Variants in MRTFB observed in about 807,000 individuals in gnomAD.
MRTFB encodes myocardin related transcription factor B.
Under a neutral mutation model 104.2 loss-of-function variants are expected in MRTFB, and 29 were observed. That is an observed-to-expected ratio of 0.28 (90% CI 0.21 to 0.38). MRTFB has a LOEUF of 0.38. Ranked by LOEUF, MRTFB falls within the 10% of genes least tolerant of loss-of-function variation. The pLI is 1.00. For synonymous variants in MRTFB, 535 were observed against 519.5 expected (o/e 1.03, Z -0.41); for missense variants, 1,270 against 1,341.6 (o/e 0.95, Z 0.83).
the MRTFB span, among the ~76,000 whole-genome samples, chr16:14,056,970 T>G: frequency 6.6e-6 from 1 of 152,206 alleles, no homozygotes; most frequent in Non-Finnish European, 1.5e-5. Context: ...TGTAAAAATA[T>G]GCTCCCTTCT....
chr16:14,211,701 G>C (rs1407887996), intron 4 of MRTFB, among the ~76,000 whole-genome samples: 1 of 152,202 alleles, frequency 6.6e-6, no homozygotes, highest in Non-Finnish European at 1.5e-5. Flanking sequence ...ATATTAAGGA[G>C]TCACTGTGTC....
chr16:14,266,366 C>T lies in MRTFB; in HGVS notation c.*4922C>T, dbSNP rs899934350. The T allele has an allele frequency of 1.3e-5, 2 of 152,008 alleles. No homozygotes were observed. Among genetic ancestry groups the T allele is most frequent in the Non-Finnish European group, 2.9e-5 (2 of 67,994 alleles). The allele number at this position is 152,008 out of a possible 1,614,324, so 9.4% of individuals were successfully genotyped here. On this transcript the variant is annotated 3_prime_UTR_variant, in exon 17 of 17. Transcript: ENST00000571589. ...GAAATGCAATGTGATAGGTGTTTCT[C>T]TTCTTATTTTCATTGTCACATTATG...
chr16:14,098,034 T>C (rs1377666960), intron 2 of MRTFB, among the ~76,000 whole-genome samples: 1 of 152,238 alleles, frequency 6.6e-6, no homozygotes, highest in Admixed American at 6.5e-5. Flanking sequence ...TTTCCAGTTT[T>C]GGGCTATTAC....
At chr16:14,012,291 C>CTTT in the MRTFB span, among the ~76,000 whole-genome samples, 5 of 97,766 alleles carry the variant, frequency 5.1e-5, 1 homozygote, top group African/African-American at 2.3e-4. Flanking sequence ...TTTTCTTTTT[C>CTTT]TTTCTTTCTT....
At chr16:14,107,456 G>A (rs2036041469) in intron 2 of MRTFB, among the ~76,000 whole-genome samples, 1 of 152,254 alleles carries the variant, frequency 6.6e-6, no homozygotes, top group Non-Finnish European at 1.5e-5. Context: ...ATTTTAGCAC[G>A]AAGGGGTTTA....
intron 10 of MRTFB, among the ~76,000 whole-genome samples, chr16:14,244,722 TC>T (rs1188738525): frequency 6.6e-6 from 1 of 151,914 alleles, no homozygotes; most frequent in Non-Finnish European, 1.5e-5. Flanking sequence ...CTGAGATTTT[TC>T]CCCCCACTTT....
chr16:14,242,471 G>T (rs1173631046), intron 10 of MRTFB, among the ~76,000 whole-genome samples: 1 of 152,188 alleles, frequency 6.6e-6, no homozygotes, highest in Non-Finnish European at 1.5e-5. Context: ...TCCTAAAAAT[G>T]GAGGCCTTGT....
intron 2 of MRTFB, among the ~76,000 whole-genome samples, chr16:14,124,333 G>C (rs1275070610): frequency 6.6e-6 from 1 of 152,130 alleles, no homozygotes; most frequent in Admixed American, 6.5e-5. Context: ...GGGCATCCTT[G>C]TCTTGTGCCA....
At chr16:14,081,258 G>GT (rs2034379432) in intron 2 of MRTFB, among the ~76,000 whole-genome samples, 1 of 140,998 alleles carries the variant, frequency 7.1e-6, no homozygotes, top group Non-Finnish European at 1.5e-5. Flanking sequence ...GTGTAACACT[G>GT]TTTTATGTAT....
At chr16:14,006,622 GCC>G in the MRTFB span, among the ~76,000 whole-genome samples, 2 of 151,834 alleles carry the variant, frequency 1.3e-5, no homozygotes, top group Admixed American at 1.3e-4. Flanking sequence ...TGCGTTCGCT[GCC>G]CTTGTATGTG....
At chr16:14,192,483 TA>T (rs1479688684) in intron 3 of MRTFB, among the ~76,000 whole-genome samples, 1 of 152,244 alleles carries the variant, frequency 6.6e-6, no homozygotes. Context: ...AGGTGCATAC[TA>T]CTATTGAGAT....
chr16:14,125,824 A>G (rs952660999), intron 2 of MRTFB, among the ~76,000 whole-genome samples: 5 of 152,220 alleles, frequency 3.3e-5, no homozygotes, highest in Non-Finnish European at 7.3e-5. Flanking sequence ...TATTTCTCTT[A>G]AGGACAGTGA....
At chr16:14,023,610 CATACATAT>C in the MRTFB span, among the ~76,000 whole-genome samples, 121 of 106,976 alleles carry the variant, frequency 1.1e-3, 1 homozygote, top group African/African-American at 4.3e-3. Context: ...CACACACACA[CATACATAT>C]ACATATACAT....
At chr16:14,255,477 T>G (rs567911407) in intron 15 of MRTFB, among the ~76,000 whole-genome samples, 2 of 152,282 alleles carry the variant, frequency 1.3e-5, no homozygotes, top group African/African-American at 4.8e-5. Flanking sequence ...CGTTTAGAAG[T>G]TTTTAGGGAG....
the MRTFB span, among the ~76,000 whole-genome samples, chr16:14,061,081 G>A: frequency 6.6e-6 from 1 of 152,074 alleles, no homozygotes; most frequent in Non-Finnish European, 1.5e-5. Flanking sequence ...GGGAGGCAGA[G>A]CTTGCAGTGA....
chr16:14,203,908 G>T (rs1052499248), intron 3 of MRTFB, among the ~76,000 whole-genome samples: 2 of 151,918 alleles, frequency 1.3e-5, no homozygotes, highest in Non-Finnish European at 2.9e-5. Flanking sequence ...TTGAATTAGG[G>T]TTATAAGTAT....
intron 3 of MRTFB, among the ~76,000 whole-genome samples, chr16:14,171,160 C>T (rs1188573186): frequency 6.6e-6 from 1 of 152,170 alleles, no homozygotes; most frequent in Non-Finnish European, 1.5e-5. Context: ...CTTTTCTTGC[C>T]CCAGCCCTGG....
At chr16:14,187,216 C>G (rs537562330) in intron 3 of MRTFB, among the ~76,000 whole-genome samples, 2 of 152,178 alleles carry the variant, frequency 1.3e-5, no homozygotes, top group African/African-American at 2.4e-5. Context: ...ACTAAAGATT[C>G]ATTAGCTGAT....
intron 1 of MRTFB, among the ~76,000 whole-genome samples, chr16:14,074,705 A>G (rs551667851): frequency 4.0e-4 from 61 of 152,318 alleles, no homozygotes; most frequent in African/African-American, 1.2e-3. Context: ...AATATGAAAC[A>G]ATGATTAATG....
Sources: allele counts gnomAD v4.1 joint callset (sites outside exome capture counted in the v4.1 genomes callset), GRCh38; gene constraint gnomAD v4.1.1; transcripts MANE v1.5; gene names NCBI Gene and HGNC (gene_info 2026-07-23, HGNC 2026-07-21).